ADGRL2: variants seen among roughly 807,000 people sequenced by gnomAD.
The protein encoded by ADGRL2 is calcium-independent alpha-latrotoxin receptor 2.
In ADGRL2, 44 loss-of-function variants were observed where a neutral mutation model predicts 157.4. The ratio of observed to expected loss-of-function variants is 0.28; its 90% CI spans 0.22 to 0.36. ADGRL2 has a LOEUF of 0.36. Ranked by LOEUF, ADGRL2 falls within the 10% of genes least tolerant of loss-of-function variation. ADGRL2 has a pLI of 1.00. For missense variants in ADGRL2, 1,510 were observed against 1,768.9 expected (o/e 0.85, Z 2.63); for synonymous variants, 585 against 624.7 (o/e 0.94, Z 0.95).
At chr1:81,986,868 CTGTTTTTTTGT>C (rs759749033) in intron 21 of ADGRL2, 22 bp from the exon 22 acceptor site, 5 of 1,585,120 alleles carry the variant, frequency 3.2e-6, no homozygotes, top group Non-Finnish European at 4.3e-6. Flanking sequence ...GTACTTTTCT[CTGTTTTTTTGT>C]TGTTTTTTTT....
intron 3 of ADGRL2, among the ~76,000 whole-genome samples, chr1:81,639,901 C>T (rs1162849275): frequency 6.6e-6 from 1 of 152,076 alleles, no homozygotes; most frequent in African/African-American, 2.4e-5. Flanking sequence ...GGAATCTGTG[C>T]AATTGATGGC....
At chr1:81,370,169 A>C (rs2076137359) in intron 1 of ADGRL2, among the ~76,000 whole-genome samples, 1 of 152,188 alleles carries the variant, frequency 6.6e-6, no homozygotes, top group Non-Finnish European at 1.5e-5. Context: ...CTAACTTAAT[A>C]ATGTTTCCAT....
At chr1:81,772,098 A>G (rs2086395295) in intron 2 of ADGRL2, among the ~76,000 whole-genome samples, 1 of 151,942 alleles carries the variant, frequency 6.6e-6, no homozygotes, top group Non-Finnish European at 1.5e-5. Flanking sequence ...AAAAATACAA[A>G]CATTAGCTGG....
At chr1:81,306,775 TATC>T (rs1659364717) in intron 1 of ADGRL2, among the ~76,000 whole-genome samples, 1 of 152,240 alleles carries the variant, frequency 6.6e-6, no homozygotes, top group Non-Finnish European at 1.5e-5. Context: ...TATAATCCTC[TATC>T]AAGTTTTCCC....
At chr1:81,425,604 A>G (rs939525321) in intron 1 of ADGRL2, among the ~76,000 whole-genome samples, 1 of 152,232 alleles carries the variant, frequency 6.6e-6, no homozygotes, top group African/African-American at 2.4e-5. Flanking sequence ...AGCAAGGGAC[A>G]AGGAAAAAAA....
chr1:81,484,963 G>A (rs1456013729), intron 2 of ADGRL2, among the ~76,000 whole-genome samples: 1 of 151,900 alleles, frequency 6.6e-6, no homozygotes, highest in African/African-American at 2.4e-5. Flanking sequence ...GCTTTGTTTT[G>A]GTAATTGAGT....
At chr1:81,825,486 T>C (rs2091390088) in intron 1 of ADGRL2, among the ~76,000 whole-genome samples, 1 of 151,822 alleles carries the variant, frequency 6.6e-6, no homozygotes, top group Non-Finnish European at 1.5e-5. Flanking sequence ...GTGGCTAAGA[T>C]TGCAGGCATA....
intron 2 of ADGRL2, among the ~76,000 whole-genome samples, chr1:81,891,266 C>T (rs557049111): frequency 1.7e-4 from 26 of 151,256 alleles, no homozygotes; most frequent in African/African-American, 6.3e-4. Context: ...CATCATATTC[C>T]ATTTTGTCAA....
intron 1 of ADGRL2, among the ~76,000 whole-genome samples, chr1:81,807,482 C>T (rs553738744): frequency 6.6e-6 from 1 of 151,502 alleles, no homozygotes; most frequent in South Asian, 2.1e-4. Context: ...AGACTATTCT[C>T]TAAAATCTTT....
chr1:81,628,690 C>T (rs962508593), intron 3 of ADGRL2, among the ~76,000 whole-genome samples: 3 of 152,078 alleles, frequency 2.0e-5, no homozygotes. Flanking sequence ...TTGCTTCAGT[C>T]TTGGCTTTTC....
In ADGRL2 at chr1:81,435,953, G is replaced by A. The variant is rs534407879; in HGVS notation, c.-301-9083G>A. Among the ~76,000 whole-genome samples the A allele has an allele frequency of 1.0e-3, 156 of 152,108 alleles. 1 individual carries two copies. The highest frequency in any genetic ancestry group is 3.5e-3 in the African/African-American group (145 of 41,504). On this transcript the variant is annotated intron_variant, in intron 1 of 24. Transcript: ENST00000370721. ...CTCTACTAAAAATACAAAATTAGCC[G>A]GGCGTGGTGGTGGATGCTGTAATCC...
At chr1:81,687,476 G>T (rs2083252150) in intron 3 of ADGRL2, among the ~76,000 whole-genome samples, 1 of 152,070 alleles carries the variant, frequency 6.6e-6, no homozygotes, top group African/African-American at 2.4e-5. Flanking sequence ...CTCACTTTTG[G>T]TGTCCATGTG....
At chr1:81,879,720 A>G (rs192077322) in intron 2 of ADGRL2, among the ~76,000 whole-genome samples, 4 of 152,086 alleles carry the variant, frequency 2.6e-5, no homozygotes, top group African/African-American at 9.7e-5. Context: ...TCGTTTAAAT[A>G]TGTTGTATGG....
chr1:81,656,624 A>G (rs1280481459), intron 3 of ADGRL2, among the ~76,000 whole-genome samples: 1 of 152,112 alleles, frequency 6.6e-6, no homozygotes, highest in Non-Finnish European at 1.5e-5. Flanking sequence ...TCCCAAAAAA[A>G]CTCTAGGTAT....
intron 3 of ADGRL2, among the ~76,000 whole-genome samples, chr1:81,677,102 C>T (rs1386324280): frequency 3.3e-5 from 5 of 152,006 alleles, no homozygotes; most frequent in Non-Finnish European, 5.9e-5. Flanking sequence ...TCTCCTGCCT[C>T]GGCCTCCCAA....
At chr1:81,721,914 T>A in intron 1 of ADGRL2, 1 of 701,538 alleles carries the variant, frequency 1.4e-6, no homozygotes, top group Non-Finnish European at 2.6e-6. Context: ...AGACAAACCA[T>A]CAAGTGAGGA....
At chr1:81,327,116 C>T (rs1017062989) in intron 1 of ADGRL2, among the ~76,000 whole-genome samples, 2 of 152,144 alleles carry the variant, frequency 1.3e-5, no homozygotes, top group Non-Finnish European at 2.9e-5. Flanking sequence ...AAAGGATATG[C>T]CTCCTTCTTT....
In ADGRL2 at chr1:81,501,669, G is replaced by A. The variant is rs540815917; in HGVS notation, c.-248+56580G>A. The A allele has an allele frequency of 7.8e-4, 1,167 of 1,504,680 alleles. 7 individuals carry two copies. In the African/African-American group the frequency reaches 0.013, roughly 17 times the overall value. 93.2% of individuals were successfully genotyped at this position (1,504,680 alleles called of 1,614,324 possible). A position where few individuals can be genotyped will look rare whatever the true frequency, so the allele number is the denominator to read the frequency against. ...TGAGCGGCCGCCTCCTCCGCCACCC[G>A]AAAACCCGGAGTGCCCCGCACAGGT... On this transcript the variant is annotated intron_variant, in intron 2 of 24. Coordinates refer to the ADGRL2 transcript ENST00000370721.
At chr1:81,784,107 G>A (rs1423446781) in intron 2 of ADGRL2, among the ~76,000 whole-genome samples, 1 of 152,082 alleles carries the variant, frequency 6.6e-6, no homozygotes, top group Non-Finnish European at 1.5e-5. Context: ...TTTAAGTTAT[G>A]TTGCTTTTCT....
Sources: gnomAD v4.1 joint callset for allele counts (sites outside exome capture counted in the v4.1 genomes callset) on GRCh38, gnomAD v4.1.1 for gene constraint, MANE v1.5 for transcripts, NCBI Gene and HGNC (gene_info 2026-07-23, HGNC 2026-07-21) for gene names.